AGBL1: variants seen among roughly 807,000 people sequenced by gnomAD.
The protein encoded by AGBL1 is cytosolic carboxypeptidase 4.
A neutral mutation model predicts 118.9 loss-of-function variants in AGBL1; 130 were observed. That is an observed-to-expected ratio of 1.09 (90% CI 0.95 to 1.26). The LOEUF is 1.26. AGBL1 is among the 50% of genes most tolerant of loss of function. The probability of loss-of-function intolerance (pLI) is 0.00; values close to 1 mark genes in which losing one functional copy is unlikely to be tolerated. For synonymous variants in AGBL1, 555 were observed against 478.9 expected (o/e 1.16, Z -2.08); for missense variants, 1,584 against 1,298.1 (o/e 1.22, Z -3.38).
rs149162019 is a variant in AGBL1 at position 86,414,228 on chromosome 15, G to A, written c.2555+16682G>A. 5.4e-4 allele frequency among the ~76,000 whole-genome samples: 82 copies of A among 152,224 alleles called. 2 individuals carry two copies. In the East Asian group the frequency reaches 0.013, roughly 24 times the overall value. On this transcript the variant is annotated intron_variant, in intron 18 of 22. Transcript: ENST00000614907. ...TGAGAAATTACTTAATGAGTACACT[G>A]TACATTATTCAGGTGATAGGTATAC...
At chr15:86,642,480 C>A (rs763815917) in intron 21 of AGBL1, among the ~76,000 whole-genome samples, 5 of 151,700 alleles carry the variant, frequency 3.3e-5, no homozygotes, top group African/African-American at 4.8e-5. Flanking sequence ...AAGATATTGG[C>A]TGTTAGTTTA....
rs111621103 is a variant in AGBL1 at position 87,007,065 on chromosome 15, T to C, written c.3323+18977T>C. ...TACAAAATTAGTTTAAATTCTCTTG[T>C]ATTGGGTAAAAATCAAGTGAAGTTA... On this transcript the variant is annotated intron_variant, in intron 24 of 24. Coordinates refer to the AGBL1 transcript ENST00000441037. Among the ~76,000 whole-genome samples, 387 of 152,310 alleles carry C rather than the reference T, an allele frequency of 2.5e-3. 1 individual carries two copies. Among genetic ancestry groups the C allele is most frequent in the African/African-American group, 8.9e-3 (369 of 41,566 alleles).
chr15:86,459,478 T>C (rs1404218131), intron 18 of AGBL1, among the ~76,000 whole-genome samples: 1 of 152,176 alleles, frequency 6.6e-6, no homozygotes, highest in East Asian at 1.9e-4. Context: ...TCAATATGCT[T>C]ATATCAAACA....
intron 21 of AGBL1, among the ~76,000 whole-genome samples, chr15:86,623,364 C>A (rs1173012182): frequency 6.6e-6 from 1 of 152,162 alleles, no homozygotes; most frequent in Non-Finnish European, 1.5e-5. Flanking sequence ...GGTTTGAGGG[C>A]AACAGCTACT....
At chr15:86,937,857 C>A (rs1468651827) in intron 23 of AGBL1, among the ~76,000 whole-genome samples, 1 of 152,118 alleles carries the variant, frequency 6.6e-6, no homozygotes, top group Admixed American at 6.5e-5. Context: ...TATGTACTAC[C>A]CTGTTGCACA....
chr15:86,148,523 A>G (rs908657224), intron 3 of AGBL1, among the ~76,000 whole-genome samples: 2 of 152,208 alleles, frequency 1.3e-5, no homozygotes, highest in Non-Finnish European at 2.9e-5. Flanking sequence ...AAGAAAGGGT[A>G]TCAGTGACTG....
At chr15:87,003,258 C>T (rs2081460174) in intron 24 of AGBL1, among the ~76,000 whole-genome samples, 1 of 152,048 alleles carries the variant, frequency 6.6e-6, no homozygotes, top group Non-Finnish European at 1.5e-5. Context: ...GTCTTTGGTT[C>T]TGTTTATATG....
chr15:86,926,306 C>A (rs563937065), intron 23 of AGBL1, among the ~76,000 whole-genome samples: 1 of 152,316 alleles, frequency 6.6e-6, no homozygotes, highest in Admixed American at 6.5e-5. Context: ...CTACATAAAT[C>A]TTTTCTGAAC....
intron 22 of AGBL1, among the ~76,000 whole-genome samples, chr15:86,884,718 G>C (rs546800864): frequency 6.6e-6 from 1 of 152,252 alleles, no homozygotes; most frequent in South Asian, 2.1e-4. Flanking sequence ...AGGCTGACGT[G>C]GGAGAACCGC....
chr15:86,593,893 G>A (rs995080212), intron 21 of AGBL1, among the ~76,000 whole-genome samples: 1 of 151,420 alleles, frequency 6.6e-6, no homozygotes, highest in South Asian at 2.1e-4. Context: ...ATGTTTTTGA[G>A]ATTCTTTATC....
chr15:86,730,535 G>C (rs779722714), intron 22 of AGBL1, among the ~76,000 whole-genome samples: 1 of 151,896 alleles, frequency 6.6e-6, no homozygotes, highest in Non-Finnish European at 1.5e-5. Flanking sequence ...ATCATCCCAG[G>C]CTTATTCAGA....
intron 19 of AGBL1, among the ~76,000 whole-genome samples, chr15:86,538,372 G>C (rs775443930): frequency 6.6e-6 from 1 of 152,218 alleles, no homozygotes; most frequent in Non-Finnish European, 1.5e-5. Context: ...GGATGTTGCT[G>C]ATGACTCAGA....
intron 24 of AGBL1, among the ~76,000 whole-genome samples, chr15:87,010,244 A>T (rs535823123): frequency 7.3e-4 from 111 of 152,228 alleles, no homozygotes; most frequent in Non-Finnish European, 1.2e-3. Context: ...ATGAGACCTG[A>T]TGGTTTTATA....
At chr15:86,654,236 A>G (rs140100517) in intron 21 of AGBL1, among the ~76,000 whole-genome samples, 44 of 152,258 alleles carry the variant, frequency 2.9e-4, no homozygotes, top group Middle Eastern at 6.8e-3. Context: ...TTCCTTGTTT[A>G]TAATCTCTAC....
chr15:86,327,530 C>T (rs1033485830), intron 17 of AGBL1, among the ~76,000 whole-genome samples: 6 of 152,096 alleles, frequency 3.9e-5, no homozygotes, highest in African/African-American at 1.2e-4. Flanking sequence ...TTTTAAGAAG[C>T]GATGAAAGCC....
intron 1 of AGBL1, among the ~76,000 whole-genome samples, chr15:86,111,318 T>C (rs1322544224): frequency 6.6e-6 from 1 of 152,236 alleles, no homozygotes; most frequent in Non-Finnish European, 1.5e-5. Context: ...AATGCTGCTT[T>C]AAGGAAGTCC....
intron 5 of AGBL1, among the ~76,000 whole-genome samples, chr15:86,221,895 T>C (rs2078285928): frequency 6.6e-6 from 1 of 152,184 alleles, no homozygotes; most frequent in African/African-American, 2.4e-5. Flanking sequence ...TTCATTTTGA[T>C]TTCTATTTCA....
At chr15:86,357,072 G>A (rs1216089990) in intron 17 of AGBL1, among the ~76,000 whole-genome samples, 1 of 152,124 alleles carries the variant, frequency 6.6e-6, no homozygotes, top group Non-Finnish European at 1.5e-5. Context: ...GAACATTTGA[G>A]GACTCAGAAT....
chr15:86,951,819 ATTG>A (rs1336775668), intron 23 of AGBL1, among the ~76,000 whole-genome samples: 1 of 152,184 alleles, frequency 6.6e-6, no homozygotes, highest in Non-Finnish European at 1.5e-5. Context: ...TTCAAGCTCT[ATTG>A]TTAAGTGTAC....
Sources: allele counts gnomAD v4.1 joint callset (sites outside exome capture counted in the v4.1 genomes callset), GRCh38; gene constraint gnomAD v4.1.1; transcripts MANE v1.5; gene names NCBI Gene and HGNC (gene_info 2026-07-23, HGNC 2026-07-21).